The following CFAP299 variants were observed in gnomAD, a reference collection of about 807,000 sequenced individuals.
CFAP299 encodes cilia- and flagella-associated protein 299.
CFAP299 carries 21 observed loss-of-function variants against 27.0 expected under a neutral mutation model. The observed-to-expected ratio is 0.78, with a 90% CI of 0.55 to 1.12. The LOEUF is 1.12. Among genes scored for constraint, CFAP299 ranks in the 50% most tolerant of loss-of-function variants. The pLI is 0.00. For missense variants in CFAP299, 310 were observed against 276.6 expected, an observed-to-expected ratio of 1.12 and a Z score of -0.86; for synonymous variants, 104 against 98.1, an observed-to-expected ratio of 1.06 and a Z score of -0.36.
At chr4:80,525,428 T>C (rs1206227361) in intron 2 of CFAP299, among the ~76,000 whole-genome samples, 1 of 152,166 alleles carries the variant, frequency 6.6e-6, no homozygotes, top group African/African-American at 2.4e-5. Context: ...AACCTACCAT[T>C]ATTTCTTACT....
Position 80,696,015 on chromosome 4 carries a change from G to T in CFAP299, c.333+112832G>T, listed in dbSNP as rs775101867. 3.3e-5 allele frequency among the ~76,000 whole-genome samples: 5 copies of T among 152,104 alleles called. No homozygotes were observed. The South Asian group carries it at 8.3e-4, about 25-fold the overall frequency. ...CATATATAGAATTTTTAAAAGAGAA[G>T]TAGAGGCCGGGTGTGGTGGCTCACA... is the stretch of plus-strand genomic sequence containing the variant. On this transcript the variant is annotated intron_variant, in intron 3 of 5. Transcript: ENST00000358105.
intron 3 of CFAP299, among the ~76,000 whole-genome samples, chr4:80,671,747 C>G (rs765592326): frequency 6.6e-6 from 1 of 152,130 alleles, no homozygotes; most frequent in Non-Finnish European, 1.5e-5. Flanking sequence ...ATTTTATACT[C>G]TTTGAAGCCA....
chr4:80,676,382 G>A (rs1320534616), intron 3 of CFAP299, among the ~76,000 whole-genome samples: 1 of 152,040 alleles, frequency 6.6e-6, no homozygotes, highest in Admixed American at 6.6e-5. Context: ...TGAGGATTTT[G>A]TATCTATATT....
intron 2 of CFAP299, among the ~76,000 whole-genome samples, chr4:80,506,270 T>C (rs947108272): frequency 7.9e-5 from 12 of 152,188 alleles, no homozygotes; most frequent in Non-Finnish European, 1.8e-4. Flanking sequence ...TCCAGGACTA[T>C]TTGAAACAGA....
At chr4:80,885,447 A>G (rs1733925537) in intron 4 of CFAP299, among the ~76,000 whole-genome samples, 1 of 152,196 alleles carries the variant, frequency 6.6e-6, no homozygotes, top group African/African-American at 2.4e-5. Flanking sequence ...TGCAGCTCAC[A>G]GCAACAAAAG....
chr4:80,705,978 T>C (rs1721795355), intron 3 of CFAP299, among the ~76,000 whole-genome samples: 1 of 151,882 alleles, frequency 6.6e-6, no homozygotes, highest in South Asian at 2.1e-4. Context: ...TTCAATTTTT[T>C]TGAATTGTAA....
chr4:80,677,122 C>A (rs187924777), intron 3 of CFAP299, among the ~76,000 whole-genome samples: 39 of 151,754 alleles, frequency 2.6e-4, no homozygotes, highest in Non-Finnish European at 5.0e-4. Flanking sequence ...TTACTGTATC[C>A]CATAGATTTG....
chr4:80,956,378 AT>A (rs1738068988), intron 5 of CFAP299, among the ~76,000 whole-genome samples: 1 of 152,048 alleles, frequency 6.6e-6, no homozygotes, highest in Admixed American at 6.6e-5. Flanking sequence ...TGCTCCAGTC[AT>A]TTTTTATTAC....
intron 2 of CFAP299, among the ~76,000 whole-genome samples, chr4:80,537,329 A>G (rs775776375): frequency 6.6e-6 from 1 of 152,112 alleles, no homozygotes; most frequent in Admixed American, 6.5e-5. Flanking sequence ...CCAACAATTC[A>G]CTTCTGGGAA....
chr4:80,412,180 C>A (rs1462436461), intron 2 of CFAP299, among the ~76,000 whole-genome samples: 4 of 152,102 alleles, frequency 2.6e-5, no homozygotes, highest in Non-Finnish European at 5.9e-5. Flanking sequence ...TGTTGGAGAC[C>A]ACTTGCCTAT....
chr4:80,371,085 G>A (rs1253029113), intron 2 of CFAP299, among the ~76,000 whole-genome samples: 1 of 152,196 alleles, frequency 6.6e-6, no homozygotes, highest in Non-Finnish European at 1.5e-5. Context: ...CTGTGCACTT[G>A]TAGTCCTAAC....
intron 2 of CFAP299, among the ~76,000 whole-genome samples, chr4:80,436,297 C>CTTT (rs781551098): frequency 2.9e-5 from 4 of 136,418 alleles, no homozygotes; most frequent in South Asian, 2.4e-4. Context: ...TGTGGGATAT[C>CTTT]TTTTTTTTTT....
chr4:80,324,407 A>G, the CFAP299 span, among the ~76,000 whole-genome samples: 2 of 152,202 alleles, frequency 1.3e-5, no homozygotes, highest in African/African-American at 4.8e-5. Flanking sequence ...CTCAAAGTCC[A>G]CTAATTGGCT....
At chr4:80,898,151 AC>A (rs1734702844) in intron 4 of CFAP299, among the ~76,000 whole-genome samples, 1 of 152,110 alleles carries the variant, frequency 6.6e-6, no homozygotes, top group South Asian at 2.1e-4. Context: ...TCTTATATCC[AC>A]ACTCATTGCT....
intron 3 of CFAP299, among the ~76,000 whole-genome samples, chr4:80,694,170 G>C (rs570010603): frequency 2.8e-4 from 42 of 152,230 alleles, no homozygotes; most frequent in African/African-American, 9.1e-4. Context: ...TTCTTTGTTT[G>C]ATCACCGTTG....
chr4:80,923,207 T>C (rs1236682722), intron 4 of CFAP299, among the ~76,000 whole-genome samples: 1 of 152,018 alleles, frequency 6.6e-6, no homozygotes, highest in African/African-American at 2.4e-5. Context: ...AGGAGGAGGT[T>C]ACTAATACTC....
At chr4:80,672,529 A>T (rs1015072282) in intron 3 of CFAP299, among the ~76,000 whole-genome samples, 1 of 152,200 alleles carries the variant, frequency 6.6e-6, no homozygotes, top group African/African-American at 2.4e-5. Flanking sequence ...AAAATGAGTT[A>T]GGGAGGATTC....
chr4:80,651,258 C>T (rs946490971), intron 3 of CFAP299, among the ~76,000 whole-genome samples: 7 of 148,352 alleles, frequency 4.7e-5, no homozygotes, highest in African/African-American at 1.5e-4. Flanking sequence ...TTCCTTCCTT[C>T]CTTTCTTTCT....
chr4:80,824,542 C>G (rs548105721), intron 3 of CFAP299, among the ~76,000 whole-genome samples: 3 of 152,266 alleles, frequency 2.0e-5, no homozygotes, highest in African/African-American at 7.2e-5. Flanking sequence ...GTGCCTCGTA[C>G]TCTCCCTTCA....
Sources: allele counts gnomAD v4.1 joint callset (sites outside exome capture counted in the v4.1 genomes callset), GRCh38; gene constraint gnomAD v4.1.1; transcripts MANE v1.5; gene names NCBI Gene and HGNC (gene_info 2026-07-23, HGNC 2026-07-21).